ANO1: variants seen among roughly 807,000 people sequenced by gnomAD.
The protein encoded by ANO1 is anoctamin-1.
Under a neutral mutation model 124.0 loss-of-function variants are expected in ANO1, and 59 were observed. The observed-to-expected ratio is 0.48, with a 90% confidence interval of 0.39 to 0.59. The LOEUF (loss-of-function observed/expected upper bound fraction) is 0.59, where lower values mean the gene tolerates loss of function less well. Ranked by LOEUF, ANO1 falls within the 20% of genes least tolerant of loss-of-function variation. ANO1 has a pLI of 0.00. For missense variants in ANO1, 1,059 were observed against 1,328.0 expected (o/e 0.80, Z 3.15); for synonymous variants, 529 against 532.0 (o/e 0.99, Z 0.08).
intron 3 of ANO1, among the ~76,000 whole-genome samples, chr11:70,103,676 G>A (rs2045369919): frequency 6.6e-6 from 1 of 152,204 alleles, no homozygotes; most frequent in South Asian, 2.1e-4. Context: ...GACGGGTGAA[G>A]CCGGGCTAGG....
At position 70,170,904 on chromosome 11, in the gene ANO1, G is replaced by A. The variant is rs1166151577; in HGVS notation, c.2215G>A (p.Val739Ile). 8 of 1,613,296 alleles carry A rather than the reference G, an allele frequency of 5.0e-6. No individual in the cohort carries two copies. The highest frequency in any genetic ancestry group is 2.2e-5 in the East Asian group (1 of 44,864). ...YMEMIIQFGFVTLFVASFPLA... is the reference protein window; with the variant it reads ...YMEMIIQFGFITLFVASFPLA... ...CTCTGCAGTCATCCAGTTTGGCTTC[G>A]TCACCCTGTTTGTCGCCTCCTTCCC... Residue 739 changes from valine (V) to isoleucine (I), a missense_variant, in exon 22 of 26, where the codon GTC becomes ATC. Around this residue, in one of 2 missense-constraint regions of ANO1, gnomAD observed 809 missense variants for 1,094.9 expected, o/e 0.74. Transcript: ENST00000355303.
At chr11:70,030,266 C>G (rs1168228850) in intron 1 of ANO1, among the ~76,000 whole-genome samples, 1 of 152,196 alleles carries the variant, frequency 6.6e-6, no homozygotes, top group Non-Finnish European at 1.5e-5. Flanking sequence ...GAGCCGAGAG[C>G]CAGCCAGGGC....
chr11:70,096,864 AAAT>A (rs746050611), intron 2 of ANO1, among the ~76,000 whole-genome samples: 177 of 151,458 alleles, frequency 1.2e-3, no homozygotes, highest in South Asian at 2.1e-3. Context: ...CTGTCTCAAA[AAAT>A]AATAATAATA....
Position 70,128,695 on chromosome 11 carries a change from T to C in ANO1, c.1097+2500T>C, listed in dbSNP as rs373414700. Among the ~76,000 whole-genome samples the C allele has an allele frequency of 2.6e-4, 40 of 152,348 alleles. 2 individuals are homozygous for C. In the East Asian group the frequency reaches 6.0e-3, roughly 23 times the overall value. On this transcript the variant is annotated intron_variant, in intron 10 of 25. Coordinates refer to ENST00000355303, the MANE Select transcript of ANO1 (RefSeq NM_018043.7). Reference sequence around the variant, plus strand: ...CCAAGCTTGCAGGGAAGCCCCAGCATGGAGCCGCCTGCTGCCCTTGTACCT... The same window carrying C: ...CCAAGCTTGCAGGGAAGCCCCAGCACGGAGCCGCCTGCTGCCCTTGTACCT...
chr11:70,161,992 GGAGT>G (rs2048063528), intron 18 of ANO1, among the ~76,000 whole-genome samples: 1 of 150,558 alleles, frequency 6.6e-6, no homozygotes, highest in Non-Finnish European at 1.5e-5. Flanking sequence ...TGAGGACCCG[GGAGT>G]GAGGGCCCTG....
At chr11:70,102,260 G>A (rs2045307862) in intron 2 of ANO1, among the ~76,000 whole-genome samples, 1 of 152,148 alleles carries the variant, frequency 6.6e-6, no homozygotes, top group South Asian at 2.1e-4. Context: ...ATCTCCCCCA[G>A]CCTCAGTGTT....
chr11:70,090,427 C>T (rs1317067410), intron 2 of ANO1, among the ~76,000 whole-genome samples: 1 of 152,204 alleles, frequency 6.6e-6, no homozygotes. Flanking sequence ...AGATCCCAGA[C>T]CCTCCACTTA....
upstream of ANO1, among the ~76,000 whole-genome samples, chr11:69,983,645 G>A (rs993064341): frequency 4.6e-5 from 7 of 152,218 alleles, no homozygotes; most frequent in Non-Finnish European, 1.0e-4. Context: ...CCCCAGCCTG[G>A]CATCACTATC....
chr11:69,967,769 C>G, the ANO1 span, among the ~76,000 whole-genome samples: 1 of 152,170 alleles, frequency 6.6e-6, no homozygotes, highest in Non-Finnish European at 1.5e-5. Flanking sequence ...CCTGGATGTC[C>G]CTCTGCAGAG....
In ANO1 at chr11:70,087,211, C is replaced by T. The variant is rs149505125; in HGVS notation, c.109-541C>T. Among the ~76,000 whole-genome samples, 308 of 152,246 alleles carry T rather than the reference C, an allele frequency of 2.0e-3. 1 individual carries two copies. The highest frequency in any genetic ancestry group is 3.0e-3 in the Non-Finnish European group (206 of 68,032). On this transcript the variant is annotated intron_variant, in intron 1 of 25. Transcript: ENST00000355303. ...ATATTTTGGTACAGGTAATGCAATA[C>T]GTAATAATCACCTCATGGAAAACTG...
At chr11:70,002,901 G>GT (rs1166460540) in intron 1 of ANO1, among the ~76,000 whole-genome samples, 2 of 152,050 alleles carry the variant, frequency 1.3e-5, no homozygotes, top group African/African-American at 4.8e-5. Flanking sequence ...AAATCATTAA[G>GT]TATAAAAATA....
chr11:70,170,319 A>G (rs1216936238), intron 21 of ANO1, among the ~76,000 whole-genome samples: 1 of 152,204 alleles, frequency 6.6e-6, no homozygotes, highest in Admixed American at 6.5e-5. Context: ...TTAAAATTTG[A>G]CATGGGCTGG....
intron 15 of ANO1, among the ~76,000 whole-genome samples, chr11:70,156,739 A>G (rs1008895400): frequency 7.9e-5 from 12 of 152,222 alleles, no homozygotes; most frequent in African/African-American, 2.9e-4. Context: ...ATCCTGTGAC[A>G]TAGGTGATAA....
At chr11:70,089,409 G>A (rs574675830) in intron 2 of ANO1, among the ~76,000 whole-genome samples, 5 of 152,308 alleles carry the variant, frequency 3.3e-5, no homozygotes, top group African/African-American at 1.2e-4. Context: ...GAGTGGAAAC[G>A]CCTCTGTTTT....
intron 1 of ANO1, among the ~76,000 whole-genome samples, chr11:70,082,842 T>C (rs2044244577): frequency 6.6e-6 from 1 of 152,138 alleles, no homozygotes; most frequent in Non-Finnish European, 1.5e-5. Context: ...CTCCCGACTC[T>C]CTCCAAGCCC....
rs1160674716 is a variant in ANO1, at chr11:70,187,926, C to A, written c.2883C>A (p.Asn961Lys). 6.3e-7 allele frequency: 1 copy of A among 1,585,882 alleles called. No individual in the cohort carries two copies. ...KERQKDEPPC[N>K]HHNTKACPDS... Reference sequence around the variant, plus strand: ...GGCAGAAGGACGAGCCGCCGTGCAACCACCACAACACCAAAGCCTGCCCAG... The same window carrying A: ...GGCAGAAGGACGAGCCGCCGTGCAAACACCACAACACCAAAGCCTGCCCAG... Residue 961 changes from asparagine (N) to lysine (K), a missense_variant, in exon 26 of 26, where the codon AAC becomes AAA. Physicochemically the swap from Asn to Lys is moderately conservative, Grantham distance 94 (BLOSUM62 0). Coordinates refer to ENST00000355303, the MANE Select transcript of ANO1 (RefSeq NM_018043.7).
chr11:70,015,397 A>G (rs970419620), intron 1 of ANO1, among the ~76,000 whole-genome samples: 7 of 152,088 alleles, frequency 4.6e-5, no homozygotes, highest in African/African-American at 1.4e-4. Flanking sequence ...ATGATCCAGA[A>G]GGCACCGGGA....
intron 22 of ANO1, among the ~76,000 whole-genome samples, chr11:70,172,130 A>AG (rs2048498038): frequency 1.3e-5 from 2 of 148,424 alleles, no homozygotes; most frequent in South Asian, 2.1e-4. Context: ...AAAAAAAAAA[A>AG]AAAAAAGAAA....
At chr11:70,179,124 C>A (rs1313475762) in intron 22 of ANO1, among the ~76,000 whole-genome samples, 1 of 152,230 alleles carries the variant, frequency 6.6e-6, no homozygotes, top group Non-Finnish European at 1.5e-5. Flanking sequence ...GCCTCCTGCA[C>A]AGGTAGGATG....
Sources: gnomAD v4.1 joint callset for allele counts (sites outside exome capture counted in the v4.1 genomes callset) on GRCh38, gnomAD v4.1.1 for gene constraint, gnomAD v4.1.1 regional missense constraint, MANE v1.5 for transcripts, NCBI Gene and HGNC (gene_info 2026-07-23, HGNC 2026-07-21) for gene names.